ST8SIA5: variants seen among roughly 807,000 people sequenced by gnomAD.
ST8SIA5 encodes alpha-2,8-sialyltransferase 8E.
ST8SIA5 carries 24 observed loss-of-function variants against 40.2 expected under a neutral mutation model. The observed-to-expected ratio is 0.60, with a 90% CI of 0.43 to 0.84. The LOEUF (loss-of-function observed/expected upper bound fraction) is 0.84. ST8SIA5 is among the 40% of genes least tolerant of loss of function. ST8SIA5 has a pLI of 0.00. For missense variants in ST8SIA5, 465 were observed against 498.5 expected (o/e 0.93, Z 0.64); for synonymous variants, 198 against 201.8 (o/e 0.98, Z 0.16).
intron 1 of ST8SIA5, among the ~76,000 whole-genome samples, chr18:46,728,563 T>G (rs2039955030): frequency 6.6e-6 from 1 of 152,212 alleles, no homozygotes; most frequent in Non-Finnish European, 1.5e-5. Flanking sequence ...CCACCCCTGA[T>G]GCCAGAGCCC....
intron 1 of ST8SIA5, among the ~76,000 whole-genome samples, chr18:46,728,551 C>T (rs911956768): frequency 6.6e-6 from 1 of 152,216 alleles, no homozygotes; most frequent in South Asian, 2.1e-4. Flanking sequence ...CCCAAAGAAG[C>T]CCCACCCCTG....
rs184326516 is a variant in ST8SIA5 at position 46,719,016 on chromosome 18, A to G, written c.132-14352T>C. 7.2e-3 allele frequency among the ~76,000 whole-genome samples: 1,099 copies of G among 152,228 alleles called. 5 individuals are homozygous for G. The highest frequency in any genetic ancestry group is 0.014 in the Middle Eastern group (4 of 294). The stretch of plus-strand genomic sequence containing the variant: ...CTAACTACGTTAACCATTATTTCCC[A>G]CATGTGGGGACTCTACGTACTGCAG... On this transcript the variant is annotated intron_variant, in intron 1 of 6. Coordinates refer to ENST00000315087, the MANE Select transcript of ST8SIA5 (RefSeq NM_013305.6).
rs530681829 is a variant in ST8SIA5, at chr18:46,675,588, G to C, written c.*4454C>G. ...GATGCCAGGGCAGAAGATACTTAAG[G>C]CTTTGAATAGATGAGATTTCTGCAG... On this transcript the variant is annotated 3_prime_UTR_variant, in exon 7 of 7. Coordinates refer to ENST00000315087, the MANE Select transcript of ST8SIA5 (RefSeq NM_013305.6). 1 of 152,164 alleles carries C rather than the reference G, an allele frequency of 6.6e-6. No individual in the cohort carries two copies. The highest frequency in any genetic ancestry group is 2.4e-5 in the African/African-American group (1 of 41,438). 9.4% of individuals were successfully genotyped at this position (152,164 alleles called of 1,614,324 possible).
chr18:46,734,965 C>CA, intron 1 of ST8SIA5, among the ~76,000 whole-genome samples: 1 of 152,326 alleles, frequency 6.6e-6, no homozygotes, highest in South Asian at 2.1e-4. Context: ...ATTAACATTT[C>CA]AGTCAGTGGA....
intron 1 of ST8SIA5, among the ~76,000 whole-genome samples, chr18:46,748,594 A>C (rs570475589): frequency 1.6e-4 from 25 of 151,624 alleles, no homozygotes; most frequent in Admixed American, 2.6e-4. Context: ...ATCTAAATAG[A>C]TATTTCTCCA....
chr18:46,753,170 G>A (rs1019528838), intron 1 of ST8SIA5, among the ~76,000 whole-genome samples: 3 of 152,072 alleles, frequency 2.0e-5, no homozygotes, highest in Non-Finnish European at 2.9e-5. Flanking sequence ...ATCCCTGCGC[G>A]CACACACATA....
At chr18:46,751,942 C>T (rs552416294) in intron 1 of ST8SIA5, among the ~76,000 whole-genome samples, 20 of 152,250 alleles carry the variant, frequency 1.3e-4, no homozygotes, top group African/African-American at 3.9e-4. Flanking sequence ...GGTAGCTCCA[C>T]GCACGAGGAT....
chr18:46,700,223 G>C (rs1161821829), intron 2 of ST8SIA5, among the ~76,000 whole-genome samples: 1 of 152,184 alleles, frequency 6.6e-6, no homozygotes, highest in Non-Finnish European at 1.5e-5. Flanking sequence ...GGGATTTTCT[G>C]GCTGACTGAC....
At chr18:46,707,598 C>T (rs180926798) in intron 1 of ST8SIA5, among the ~76,000 whole-genome samples, 2 of 152,208 alleles carry the variant, frequency 1.3e-5, no homozygotes, top group African/African-American at 4.8e-5. Context: ...GGTAGAGAGG[C>T]TTTCAGAACT....
At chr18:46,688,055 C>T (rs1022451619) in intron 4 of ST8SIA5, among the ~76,000 whole-genome samples, 5 of 152,226 alleles carry the variant, frequency 3.3e-5, no homozygotes, top group African/African-American at 9.6e-5. Context: ...GAACAGTTCA[C>T]GTCTGCAGCT....
At chr18:46,713,545 G>C (rs1446086894) in intron 1 of ST8SIA5, among the ~76,000 whole-genome samples, 1 of 152,154 alleles carries the variant, frequency 6.6e-6, no homozygotes, top group African/African-American at 2.4e-5. Context: ...GAAGAAGAAA[G>C]AGGGCCAAGG....
chr18:46,736,127 T>C (rs2040031744), intron 1 of ST8SIA5, among the ~76,000 whole-genome samples: 1 of 152,130 alleles, frequency 6.6e-6, no homozygotes, highest in African/African-American at 2.4e-5. Flanking sequence ...ACACAAACAA[T>C]ATAAAAAAAT....
At chr18:46,742,953 C>G (rs886811465) in intron 1 of ST8SIA5, among the ~76,000 whole-genome samples, 1 of 152,236 alleles carries the variant, frequency 6.6e-6, no homozygotes, top group African/African-American at 2.4e-5. Context: ...CTCCAGGAAA[C>G]TCCAATAGAC....
At position 46,701,130 on chromosome 18, in the gene ST8SIA5, CTTTTTTTTTTT is replaced by C. The variant is rs755571106; in HGVS notation, c.224+3431_224+3441del. ...ATGAAACCGTATTTGGAGATAGGGC[CTTTTTTTTTTT>C]TTTTTTTTTTTTTTTTTTAGGTGGT... On this transcript the variant is annotated intron_variant, in intron 2 of 6. Coordinates refer to ENST00000315087, the MANE Select transcript of ST8SIA5 (RefSeq NM_013305.6). Among the ~76,000 whole-genome samples the C allele has an allele frequency of 2.2e-4, 10 of 45,796 alleles. 1 individual carries two copies. Among genetic ancestry groups the C allele is most frequent in the Admixed American group, 3.5e-4 (1 of 2,842 alleles). The allele number at this position is 45,796 out of a possible 152,430, so 30.0% of individuals were successfully genotyped here.
intron 1 of ST8SIA5, among the ~76,000 whole-genome samples, chr18:46,714,917 G>A (rs1047746258): frequency 2.6e-5 from 4 of 152,128 alleles, no homozygotes; most frequent in African/African-American, 9.7e-5. Flanking sequence ...AAAGCTTTGG[G>A]TTCAGAGCAC....
At chr18:46,750,563 T>C (rs1599157848) in intron 1 of ST8SIA5, among the ~76,000 whole-genome samples, 1 of 152,066 alleles carries the variant, frequency 6.6e-6, no homozygotes, top group African/African-American at 2.4e-5. Context: ...CTGTCCCCAC[T>C]TCTCTCTCCC....
intron 2 of ST8SIA5, among the ~76,000 whole-genome samples, chr18:46,693,326 T>G (rs1354446854): frequency 6.6e-6 from 1 of 152,178 alleles, no homozygotes; most frequent in Non-Finnish European, 1.5e-5. Flanking sequence ...ACAGTAGGGC[T>G]CATGAGCAGG....
intron 1 of ST8SIA5, among the ~76,000 whole-genome samples, chr18:46,750,038 A>G (rs2040181994): frequency 6.6e-6 from 1 of 152,196 alleles, no homozygotes; most frequent in Admixed American, 6.5e-5. Flanking sequence ...GGAGAAACAA[A>G]CATTTGTTGC....
chr18:46,694,057 C>T (rs959837216), intron 2 of ST8SIA5, among the ~76,000 whole-genome samples: 3 of 152,222 alleles, frequency 2.0e-5, no homozygotes, highest in Non-Finnish European at 4.4e-5. Flanking sequence ...GTTGAAGGTT[C>T]CACTGAGGCC....
Sources: gnomAD v4.1 joint callset for allele counts (sites outside exome capture counted in the v4.1 genomes callset) on GRCh38, gnomAD v4.1.1 for gene constraint, MANE v1.5 for transcripts, NCBI Gene and HGNC (gene_info 2026-07-23, HGNC 2026-07-21) for gene names.